The following ADGRL3 variants were observed in gnomAD, a reference collection of about 807,000 sequenced individuals.
ADGRL3 encodes the protein calcium-independent alpha-latrotoxin receptor 3.
Under a neutral mutation model 153.5 loss-of-function variants are expected in ADGRL3, and 62 were observed. The observed-to-expected ratio is 0.40, with a 90% CI of 0.33 to 0.50. The LOEUF is 0.50. Ranked by LOEUF, ADGRL3 falls within the 20% of genes least tolerant of loss-of-function variation. The pLI, the probability that ADGRL3 is intolerant of heterozygous loss-of-function variation, is 0.47. For synonymous variants in ADGRL3, 710 were observed against 672.5 expected (o/e 1.06, Z -0.86); for missense variants, 1,641 against 1,859.4 (o/e 0.88, Z 2.16).
At chr4:61,716,621 A>T (rs1363815191) in intron 6 of ADGRL3, among the ~76,000 whole-genome samples, 1 of 152,170 alleles carries the variant, frequency 6.6e-6, no homozygotes, top group Admixed American at 6.6e-5. Context: ...CAGTGACAGG[A>T]CCAATAATAT....
At chr4:61,750,338 T>G (rs2096738348) in intron 8 of ADGRL3, among the ~76,000 whole-genome samples, 1 of 151,370 alleles carries the variant, frequency 6.6e-6, no homozygotes, top group Non-Finnish European at 1.5e-5. Flanking sequence ...CATCAGGGAG[T>G]TTTAATAATT....
chr4:62,058,070 T>C (rs902144487), intron 25 of ADGRL3, among the ~76,000 whole-genome samples: 1 of 152,182 alleles, frequency 6.6e-6, no homozygotes. Flanking sequence ...TAAGCAAGCA[T>C]GACCAGACCG....
At chr4:61,615,085 T>A (rs1157373788) in intron 5 of ADGRL3, among the ~76,000 whole-genome samples, 1 of 152,096 alleles carries the variant, frequency 6.6e-6, no homozygotes, top group Non-Finnish European at 1.5e-5. Flanking sequence ...GAACCCTTTA[T>A]AATGAAAGAG....
At chr4:61,302,460 G>A (rs183303574) in intron 1 of ADGRL3, among the ~76,000 whole-genome samples, 5 of 152,060 alleles carry the variant, frequency 3.3e-5, no homozygotes, top group Admixed American at 3.3e-4. Flanking sequence ...TTAATTAAAA[G>A]TTGAACAGTG....
At chr4:61,513,287 T>C (rs936907987) in intron 3 of ADGRL3, among the ~76,000 whole-genome samples, 1 of 152,188 alleles carries the variant, frequency 6.6e-6, no homozygotes, top group African/African-American at 2.4e-5. Context: ...TAAATCAGTA[T>C]TGATCTCTGC....
intron 12 of ADGRL3, among the ~76,000 whole-genome samples, chr4:61,910,631 A>G (rs189486672): frequency 1.3e-4 from 20 of 151,918 alleles, no homozygotes; most frequent in Admixed American, 1.2e-3. Context: ...GATTGAAACA[A>G]TTTTAGGGCC....
chr4:61,808,038 G>A (rs1233579092), intron 8 of ADGRL3, among the ~76,000 whole-genome samples: 1 of 152,124 alleles, frequency 6.6e-6, no homozygotes, highest in Non-Finnish European at 1.5e-5. Context: ...CACTGCCACA[G>A]TCTTTCACTG....
intron 2 of ADGRL3, among the ~76,000 whole-genome samples, chr4:61,494,160 GT>G (rs2098287277): frequency 6.7e-6 from 1 of 149,970 alleles, no homozygotes; most frequent in African/African-American, 2.5e-5. Context: ...AAAATCTACT[GT>G]GGTAGAAATT....
chr4:61,455,424 A>G lies in ADGRL3; in HGVS notation c.-173-41697A>G, dbSNP rs139851453. On this transcript the variant is annotated intron_variant, in intron 2 of 26. Transcript: ENST00000683033. ...TGATGAGCACTTAGCCATGTCTGAG[A>G]CTGGATGCTGAGACCACAAGTTTTT... 2.8e-3 allele frequency among the ~76,000 whole-genome samples: 429 copies of G among 152,302 alleles called. 1 individual carries two copies. Among genetic ancestry groups the G allele is most frequent in the African/African-American group, 9.9e-3 (412 of 41,570 alleles).
chr4:61,605,089 C>CAAAAAAAA (rs71211396), intron 5 of ADGRL3, among the ~76,000 whole-genome samples: 11 of 61,418 alleles, frequency 1.8e-4, no homozygotes, highest in South Asian at 7.9e-4. Flanking sequence ...GACTCTGTCT[C>CAAAAAAAA]AAAAAAAAAA....
chr4:61,674,869 C>G (rs1445872880), intron 5 of ADGRL3, among the ~76,000 whole-genome samples: 1 of 151,884 alleles, frequency 6.6e-6, no homozygotes, highest in African/African-American at 2.4e-5. Flanking sequence ...TGTGAGTACA[C>G]CAAAACATCG....
intron 9 of ADGRL3, among the ~76,000 whole-genome samples, chr4:61,867,075 G>T (rs2098404801): frequency 6.6e-6 from 1 of 152,044 alleles, no homozygotes; most frequent in African/African-American, 2.4e-5. Flanking sequence ...TTTAGGTAAA[G>T]AATTTTAATA....
intron 2 of ADGRL3, among the ~76,000 whole-genome samples, chr4:61,451,461 G>C (rs1433845218): frequency 1.3e-5 from 2 of 152,094 alleles, no homozygotes; most frequent in Non-Finnish European, 2.9e-5. Context: ...CTAATAGATT[G>C]AACAATGTTC....
In ADGRL3 at chr4:62,074,391, A is replaced by G. The variant is rs1746528143; in HGVS notation, c.*3483A>G. 5 of 152,128 alleles carry G rather than the reference A, an allele frequency of 3.3e-5. No homozygotes were observed. The highest frequency in any genetic ancestry group is 3.3e-4 in the Admixed American group (5 of 15,260). The allele number at this position is 152,128 out of a possible 1,614,324, so 9.4% of individuals were successfully genotyped here. ...CACATGACACTTTATCAGGGACACT[A>G]GCTAATGGACCTCATGTTTAGTTAA... On this transcript the variant is annotated 3_prime_UTR_variant, in exon 27 of 27. Transcript: ENST00000683033.
intron 5 of ADGRL3, among the ~76,000 whole-genome samples, chr4:61,662,910 G>C (rs2094651456): frequency 1.3e-5 from 2 of 152,200 alleles, no homozygotes; most frequent in African/African-American, 4.8e-5. Flanking sequence ...AGGACACCTT[G>C]CTTGTGGAGA....
chr4:61,330,229 T>A (rs2095544856), intron 1 of ADGRL3, among the ~76,000 whole-genome samples: 1 of 152,200 alleles, frequency 6.6e-6, no homozygotes, highest in Non-Finnish European at 1.5e-5. Flanking sequence ...AGATAGCTGG[T>A]TAAACATTAT....
At chr4:61,751,034 A>C (rs930347850) in intron 8 of ADGRL3, among the ~76,000 whole-genome samples, 1 of 152,154 alleles carries the variant, frequency 6.6e-6, no homozygotes, top group Non-Finnish European at 1.5e-5. Context: ...GCCTCCTGTC[A>C]GATCAACAGT....
chr4:62,032,505 A>G (rs1416536806), intron 23 of ADGRL3, among the ~76,000 whole-genome samples: 1 of 151,524 alleles, frequency 6.6e-6, no homozygotes, highest in African/African-American at 2.4e-5. Flanking sequence ...CCCATGTCTC[A>G]GTTTACTCAT....
intron 23 of ADGRL3, among the ~76,000 whole-genome samples, chr4:62,035,919 T>C (rs1325714315): frequency 2.6e-5 from 4 of 152,240 alleles, no homozygotes; most frequent in Admixed American, 1.3e-4. Flanking sequence ...TTGAGGGACA[T>C]ACCTAGCACA....
Sources: allele counts gnomAD v4.1 joint callset (sites outside exome capture counted in the v4.1 genomes callset), GRCh38; gene constraint gnomAD v4.1.1; transcripts MANE v1.5; gene names NCBI Gene and HGNC (gene_info 2026-07-23, HGNC 2026-07-21).